KIAA1217: variants seen among roughly 807,000 people sequenced by gnomAD.
The protein encoded by KIAA1217 is sickle tail protein homolog.
KIAA1217 carries 88 observed loss-of-function variants against 163.9 expected under a neutral mutation model. That is an observed-to-expected ratio of 0.54 (90% CI 0.45 to 0.64). The LOEUF (loss-of-function observed/expected upper bound fraction) is 0.64, where lower values mean the gene tolerates loss of function less well. KIAA1217 is among the 30% of genes least tolerant of loss of function. The pLI is 0.00. For missense variants in KIAA1217, 2,372 were observed against 2,475.0 expected (o/e 0.96, Z 0.88); for synonymous variants, 903 against 923.1 (o/e 0.98, Z 0.39).
intron 3 of KIAA1217, among the ~76,000 whole-genome samples, chr10:24,414,100 C>G (rs2058035653): frequency 6.6e-6 from 1 of 152,194 alleles, no homozygotes. Context: ...CTCTGTAAAT[C>G]TAAAACAGTC....
At chr10:24,168,355 T>G (rs1431333677) in intron 2 of KIAA1217, among the ~76,000 whole-genome samples, 1 of 152,098 alleles carries the variant, frequency 6.6e-6, no homozygotes, top group Non-Finnish European at 1.5e-5. Flanking sequence ...TAGTAACTTG[T>G]CTAAGCATGC....
intron 5 of KIAA1217, among the ~76,000 whole-genome samples, chr10:24,459,149 G>A (rs752207223): frequency 3.9e-5 from 6 of 152,134 alleles, no homozygotes; most frequent in Non-Finnish European, 8.8e-5. Flanking sequence ...TGGTTGGGTC[G>A]GTAGTCTAGC....
At chr10:24,378,847 A>G (rs1212988397) in intron 2 of KIAA1217, among the ~76,000 whole-genome samples, 1 of 152,210 alleles carries the variant, frequency 6.6e-6, no homozygotes. Flanking sequence ...GGAGCTAAAT[A>G]GCTATGTTTA....
intron 2 of KIAA1217, among the ~76,000 whole-genome samples, chr10:24,063,087 G>A (rs1259596929): frequency 2.0e-5 from 3 of 152,086 alleles, no homozygotes; most frequent in African/African-American, 7.2e-5. Flanking sequence ...CATTCTGTAG[G>A]TTGCCTGTTC....
At chr10:23,887,584 AAGCTATAAAATGCTC>A (rs1213605943) in intron 1 of KIAA1217, among the ~76,000 whole-genome samples, 30 of 152,028 alleles carry the variant, frequency 2.0e-4, no homozygotes, top group African/African-American at 5.3e-4. Flanking sequence ...GTCTATAATA[AAGCTATAAAATGCTC>A]ATTTTATACC....
At chr10:23,749,469 G>A (rs778468384) in intron 1 of KIAA1217, among the ~76,000 whole-genome samples, 27 of 151,880 alleles carry the variant, frequency 1.8e-4, no homozygotes, top group Non-Finnish European at 2.6e-4. Flanking sequence ...GTGCAGTGGC[G>A]CCATCTTGGC....
At chr10:24,326,449 G>A (rs1564476400) in intron 2 of KIAA1217, among the ~76,000 whole-genome samples, 1 of 151,988 alleles carries the variant, frequency 6.6e-6, no homozygotes. Flanking sequence ...ATTTGTGGTA[G>A]CCTAGTTGGA....
intron 1 of KIAA1217, among the ~76,000 whole-genome samples, chr10:23,824,887 T>C (rs1187201268): frequency 1.3e-5 from 2 of 151,908 alleles, no homozygotes; most frequent in Non-Finnish European, 2.9e-5. Flanking sequence ...GTGGCATCCT[T>C]TTCACTCTCA....
intron 1 of KIAA1217, among the ~76,000 whole-genome samples, chr10:23,856,014 G>T (rs1014396580): frequency 5.9e-5 from 9 of 152,332 alleles, no homozygotes; most frequent in Admixed American, 2.6e-4. Context: ...CTCAACTCGT[G>T]AAAGTCATTC....
chr10:23,842,758 A>C (rs1001052569), intron 1 of KIAA1217, among the ~76,000 whole-genome samples: 3 of 152,042 alleles, frequency 2.0e-5, no homozygotes, highest in Non-Finnish European at 4.4e-5. Context: ...AGACTATTTT[A>C]GGATAAAATC....
At chr10:24,042,931 A>G (rs1848719267) in intron 2 of KIAA1217, among the ~76,000 whole-genome samples, 2 of 152,218 alleles carry the variant, frequency 1.3e-5, no homozygotes. Context: ...CTCTTTTAAA[A>G]ATGAATTGTA....
At chr10:23,918,876 C>G (rs1232986186) in intron 1 of KIAA1217, among the ~76,000 whole-genome samples, 1 of 152,104 alleles carries the variant, frequency 6.6e-6, no homozygotes, top group Non-Finnish European at 1.5e-5. Flanking sequence ...ACCTCCAGGG[C>G]TGCTACAGAG....
intron 3 of KIAA1217, among the ~76,000 whole-genome samples, chr10:24,410,887 A>G (rs1302316154): frequency 2.6e-5 from 4 of 152,188 alleles, no homozygotes; most frequent in Non-Finnish European, 5.9e-5. Context: ...CAAAGTACCT[A>G]AAATAATCTG....
intron 2 of KIAA1217, among the ~76,000 whole-genome samples, chr10:24,342,652 A>ATTTTTTT (rs11299912): frequency 1.1e-5 from 1 of 93,510 alleles, no homozygotes; most frequent in Non-Finnish European, 2.0e-5. Flanking sequence ...ATACAACTCA[A>ATTTTTTT]TTTTTTTTTT....
chr10:24,404,477 G>A (rs1348694094), intron 3 of KIAA1217, among the ~76,000 whole-genome samples: 1 of 142,026 alleles, frequency 7.0e-6, no homozygotes, highest in African/African-American at 2.6e-5. Flanking sequence ...TGAGACAGGA[G>A]AATCTCTTGA....
At chr10:24,452,302 C>T (rs1018008182) in intron 5 of KIAA1217, among the ~76,000 whole-genome samples, 2 of 151,998 alleles carry the variant, frequency 1.3e-5, no homozygotes, top group Non-Finnish European at 2.9e-5. Context: ...ACCACCGGTG[C>T]TCCCTCAAGA....
chr10:24,249,051 T>C (rs537333138), intron 2 of KIAA1217, among the ~76,000 whole-genome samples: 72 of 152,296 alleles, frequency 4.7e-4, no homozygotes, highest in Non-Finnish European at 7.6e-4. Context: ...AAACCACGAG[T>C]GTAGTGGACG....
chr10:24,509,203 T>C (rs761111026), intron 9 of KIAA1217, among the ~76,000 whole-genome samples: 10 of 152,224 alleles, frequency 6.6e-5, no homozygotes, highest in Non-Finnish European at 1.3e-4. Flanking sequence ...TTTTTTACAC[T>C]GTGCTCAGAT....
At chr10:24,372,811 A>G (rs1227145206) in intron 2 of KIAA1217, among the ~76,000 whole-genome samples, 2 of 152,178 alleles carry the variant, frequency 1.3e-5, no homozygotes, top group African/African-American at 4.8e-5. Flanking sequence ...AGACATTGTA[A>G]TTTGTTAACC....
Sources: gnomAD v4.1 joint callset for allele counts (sites outside exome capture counted in the v4.1 genomes callset) on GRCh38, gnomAD v4.1.1 for gene constraint, MANE v1.5 for transcripts, NCBI Gene and HGNC (gene_info 2026-07-23, HGNC 2026-07-21) for gene names.